PCDHA2: variants seen among roughly 807,000 people sequenced by gnomAD.
PCDHA2 encodes the protein protocadherin alpha 2, also known as protocadherin alpha-2.
Under a neutral mutation model 66.0 loss-of-function variants are expected in PCDHA2, and 58 were observed. The observed-to-expected ratio is 0.88, with a 90% CI of 0.71 to 1.09. PCDHA2 has a LOEUF of 1.09. Among genes scored for constraint, PCDHA2 ranks in the 50% least tolerant of loss-of-function variants. The pLI is 0.00. For synonymous variants in PCDHA2, 634 were observed against 554.0 expected (o/e 1.14, Z -2.03); for missense variants, 1,267 against 1,242.3 (o/e 1.02, Z -0.30).
chr5:140,877,401 G>A, intron 1 of PCDHA2: 1 of 1,613,944 alleles, frequency 6.2e-7, no homozygotes. Context: ...CGGACGCTCC[G>A]CGCCACCGCC....
intron 1 of PCDHA2, among the ~76,000 whole-genome samples, chr5:140,939,871 T>G (rs2092481346): frequency 6.6e-6 from 1 of 152,230 alleles, no homozygotes; most frequent in Non-Finnish European, 1.5e-5. Context: ...TAGGTCATCT[T>G]TGCTAGTTGT....
chr5:140,821,818 C>T (rs919324883), intron 1 of PCDHA2: 1 of 1,613,974 alleles, frequency 6.2e-7, no homozygotes, highest in African/African-American at 1.3e-5. Flanking sequence ...CCGGCTCCTG[C>T]TGCTCTGGCT....
In PCDHA2 at chr5:140,967,658, A is replaced by C. The variant is rs1554229743; in HGVS notation, c.2389-11291A>C. ...TGGTGAGCTCAGGTACTCCTTGAGC[A>C]GCTACACGTCGGACCGGGAGAGGCA... On this transcript the variant is annotated intron_variant, in intron 1 of 3. Coordinates refer to ENST00000526136, the MANE Select transcript of PCDHA2 (RefSeq NM_018905.3). 3 of 1,614,058 alleles carry C rather than the reference A, an allele frequency of 1.9e-6. No individual in the cohort carries two copies. The highest frequency in any genetic ancestry group is 1.7e-5 in the Admixed American group (1 of 60,008).
At chr5:140,823,023 C>T (rs148202782) in intron 1 of PCDHA2, 35 of 1,614,106 alleles carry the variant, frequency 2.2e-5, no homozygotes, top group African/African-American at 4.0e-5. Context: ...ACCGCGAGAG[C>T]GTGTCGGTCT....
intron 1 of PCDHA2, among the ~76,000 whole-genome samples, chr5:140,920,124 G>A (rs1261931835): frequency 2.6e-5 from 4 of 152,152 alleles, no homozygotes; most frequent in African/African-American, 4.8e-5. Flanking sequence ...AACATCTTGA[G>A]TTTTAATTCT....
intron 1 of PCDHA2, among the ~76,000 whole-genome samples, chr5:140,952,804 C>T (rs191550367): frequency 2.6e-5 from 4 of 152,282 alleles, no homozygotes; most frequent in Non-Finnish European, 5.9e-5. Flanking sequence ...GCTCGCAGTT[C>T]TGCAGGCTGT....
At chr5:140,875,758 T>C (rs1562702075) in intron 1 of PCDHA2, 1 of 1,614,186 alleles carries the variant, frequency 6.2e-7, no homozygotes. Context: ...CGAGAAGCTG[T>C]GCGGGCGGAG....
At chr5:140,801,273 G>A in intron 1 of PCDHA2, 2 of 1,613,686 alleles carry the variant, frequency 1.2e-6, no homozygotes, top group Non-Finnish European at 1.7e-6. Context: ...AGCCTCGGAG[G>A]TGGGGAGCGG....
chr5:140,871,543 T>A (rs2053164172), intron 1 of PCDHA2: 2 of 1,503,536 alleles, frequency 1.3e-6, no homozygotes, highest in Non-Finnish European at 1.8e-6. Flanking sequence ...GTGAAATTAT[T>A]TAAAATCCAG....
intron 1 of PCDHA2, among the ~76,000 whole-genome samples, chr5:140,924,894 CAAAA>C (rs782133089): frequency 1.1e-4 from 8 of 71,470 alleles, no homozygotes; most frequent in African/African-American, 3.4e-4. Flanking sequence ...GAACCTGTCT[CAAAA>C]AAAAAAATAA....
At chr5:140,966,983 G>T (rs782294035) in intron 1 of PCDHA2, 1 of 1,603,778 alleles carries the variant, frequency 6.2e-7, no homozygotes, top group Non-Finnish European at 8.5e-7. Flanking sequence ...GCGGCGCTTG[G>T]GGCCGGGTTG....
chr5:140,850,955 C>G (rs782006051), intron 1 of PCDHA2: 1 of 1,482,450 alleles, frequency 6.7e-7, no homozygotes, highest in African/African-American at 1.4e-5. Context: ...ATCGATTACT[C>G]CCAGGGGCCG....
At chr5:140,839,227 T>C (rs1776100105) in intron 1 of PCDHA2, among the ~76,000 whole-genome samples, 1 of 152,010 alleles carries the variant, frequency 6.6e-6, no homozygotes, top group African/African-American at 2.4e-5. Context: ...AACTGTAATC[T>C]GTTTTTATTG....
chr5:140,907,109 C>T (rs6883830), intron 1 of PCDHA2, among the ~76,000 whole-genome samples: 5,598 of 152,160 alleles, frequency 0.037, 292 homozygotes, highest in African/African-American at 0.12. Flanking sequence ...CCACTTCCAC[C>T]CCTTGATTCC....
chr5:140,802,466 G>T, intron 1 of PCDHA2: 1 of 1,614,230 alleles, frequency 6.2e-7, no homozygotes, highest in Admixed American at 1.7e-5. Flanking sequence ...CCTATGAGCT[G>T]GTGGTGACTG....
At chr5:140,803,802 A>T in intron 1 of PCDHA2, 1 of 787,212 alleles carries the variant, frequency 1.3e-6, no homozygotes, top group Non-Finnish European at 2.0e-6. Context: ...CCACACTTGT[A>T]ATTTTGTTTT....
At chr5:140,804,158 T>G (rs1283222315) in intron 1 of PCDHA2, 1 of 152,482 alleles carries the variant, frequency 6.6e-6, no homozygotes, top group Non-Finnish European at 1.5e-5. Context: ...TCAATCCTTA[T>G]TTTTTACTTG....
chr5:140,823,009 C>G, intron 1 of PCDHA2: 1 of 1,614,246 alleles, frequency 6.2e-7, no homozygotes, highest in Non-Finnish European at 8.5e-7. Context: ...GGACAGCGCC[C>G]TGGACCGCGA....
At chr5:140,881,559 C>A (rs1293330721) in intron 1 of PCDHA2, among the ~76,000 whole-genome samples, 1 of 152,174 alleles carries the variant, frequency 6.6e-6, no homozygotes, top group East Asian at 1.9e-4. Context: ...ATATAAATAT[C>A]TTATCTACAT....
Sources: gnomAD v4.1 joint callset for allele counts (sites outside exome capture counted in the v4.1 genomes callset) on GRCh38, gnomAD v4.1.1 for gene constraint, MANE v1.5 for transcripts, NCBI Gene and HGNC (gene_info 2026-07-23, HGNC 2026-07-21) for gene names.